Variants in PCDHA6 observed in about 807,000 individuals in gnomAD.
PCDHA6 encodes the protein protocadherin alpha 6, also known as protocadherin alpha-6.
Under a neutral mutation model 60.3 loss-of-function variants are expected in PCDHA6, and 55 were observed. The ratio of observed to expected loss-of-function variants is 0.91; its 90% CI spans 0.73 to 1.14. The LOEUF (loss-of-function observed/expected upper bound fraction) is 1.14. Among genes scored for constraint, PCDHA6 ranks in the 50% most tolerant of loss-of-function variants. The probability of loss-of-function intolerance (pLI) is 0.00; values close to 1 mark genes in which losing one functional copy is unlikely to be tolerated. For missense variants in PCDHA6, 1,327 were observed against 1,256.5 expected (o/e 1.06, Z -0.85); for synonymous variants, 652 against 557.9 (o/e 1.17, Z -2.38).
chr5:140,966,906 C>A, intron 1 of PCDHA6: 1 of 1,600,938 alleles, frequency 6.2e-7, no homozygotes, highest in African/African-American at 1.3e-5. Flanking sequence ...CTGCGATACT[C>A]TGTGCCAGAG....
At position 140,929,086 on chromosome 5, in the gene PCDHA6, G is replaced by A. The variant is rs899611580; in HGVS notation, c.2395-49863G>A. 2.5e-6 allele frequency: 4 copies of A among 1,614,158 alleles called. No individual in the cohort carries two copies. The South Asian group carries it at 4.4e-5, about 18-fold the overall frequency. On this transcript the variant is annotated intron_variant, in intron 1 of 3. Coordinates refer to ENST00000529310, the MANE Select transcript of PCDHA6 (RefSeq NM_018909.4). ...GGATCTGAGGTATGGAAGTAAGATG[G>A]TTTCAAATCCTTGCATGACATCAGC... is the stretch of plus-strand genomic sequence containing the variant.
At chr5:140,869,746 A>G in intron 1 of PCDHA6, 1 of 1,613,340 alleles carries the variant, frequency 6.2e-7, no homozygotes, top group Non-Finnish European at 8.5e-7. Flanking sequence ...GCTAACAGCT[A>G]CAGACGGGGG....
intron 1 of PCDHA6, chr5:140,835,638 T>A: frequency 6.2e-7 from 1 of 1,613,926 alleles, no homozygotes. Flanking sequence ...CGAGAGTGTG[T>A]CCGCCTATGA....
intron 1 of PCDHA6, among the ~76,000 whole-genome samples, chr5:140,925,071 C>T (rs1554202476): frequency 6.8e-6 from 1 of 148,058 alleles, no homozygotes; most frequent in Non-Finnish European, 1.5e-5. Context: ...CAAAGCAACA[C>T]GCTCATCTGG....
intron 1 of PCDHA6, chr5:140,877,158 G>A (rs781901798): frequency 1.2e-6 from 2 of 1,613,808 alleles, no homozygotes; most frequent in Admixed American, 3.3e-5. Context: ...ACGACAACGC[G>A]CCGGCACTGC....
rs1031755500 is a variant in PCDHA6 at position 140,856,096 on chromosome 5, G to A, written c.2394+25611G>A. 31 of 1,597,342 alleles carry A rather than the reference G, an allele frequency of 1.9e-5. 3 individuals are homozygous for A. The Admixed American group carries it at 5.2e-4, about 27-fold the overall frequency. On this transcript the variant is annotated intron_variant, in intron 1 of 3. Transcript: ENST00000529310. ...TGGGGGTCCAGTGTCTGCTGCTCTCGCTTCTTCTCCTCGCAGCCTGGGAGG... is the reference window on the plus strand; with the variant it reads ...TGGGGGTCCAGTGTCTGCTGCTCTCACTTCTTCTCCTCGCAGCCTGGGAGG...
chr5:141,003,560 G>T (rs1011065385), intron 3 of PCDHA6, among the ~76,000 whole-genome samples: 1 of 152,062 alleles, frequency 6.6e-6, no homozygotes, highest in Non-Finnish European at 1.5e-5. Context: ...TGATCCACCT[G>T]CCTCAGACTC....
intron 1 of PCDHA6, among the ~76,000 whole-genome samples, chr5:140,977,127 C>T (rs1197401904): frequency 6.6e-6 from 1 of 152,168 alleles, no homozygotes; most frequent in East Asian, 1.9e-4. Flanking sequence ...AACTGAGTTT[C>T]CTGGTCAGTC....
At position 140,915,626 on chromosome 5, in the gene PCDHA6, G is replaced by GTCTCTCTCTCTC. The variant is rs57920489; in HGVS notation, c.2395-63304_2395-63293dup. 2.6e-4 allele frequency among the ~76,000 whole-genome samples: 38 copies of GTCTCTCTCTCTC among 146,532 alleles called. No individual in the cohort carries two copies. In the Middle Eastern group the frequency reaches 0.011, roughly 41 times the overall value. Reference sequence around the variant, plus strand: ...ACTTTCTGTCAAACAGTCTCTTTCTGTCTCTCTCTCTCTCTCTCTCTCTCT... The same window carrying GTCTCTCTCTCTC: ...ACTTTCTGTCAAACAGTCTCTTTCTGTCTCTCTCTCTCTCTCTCTCTCTCTCTCTCTCTCTCT... On this transcript the variant is annotated intron_variant, in intron 1 of 3. Coordinates refer to ENST00000529310, the MANE Select transcript of PCDHA6 (RefSeq NM_018909.4).
rs2150475793 is a variant in PCDHA6, at chr5:140,850,253, C to T, written c.2394+19768C>T. The T allele has an allele frequency of 4.7e-5, 75 of 1,593,644 alleles. 4 individuals carry two copies. The highest frequency in any genetic ancestry group is 6.3e-5 in the Non-Finnish European group (73 of 1,167,036). On this transcript the variant is annotated intron_variant, in intron 1 of 3. Coordinates refer to ENST00000529310, the MANE Select transcript of PCDHA6 (RefSeq NM_018909.4). ...GCGAGATGGTGCTGCGGTCGGTGGG[C>T]GCCGGCGTAGTGGTGGGGAAGGTGC...
chr5:140,946,377 T>C (rs1554217528), intron 1 of PCDHA6, among the ~76,000 whole-genome samples: 1 of 151,764 alleles, frequency 6.6e-6, no homozygotes, highest in African/African-American at 2.4e-5. Flanking sequence ...TTGCACACGG[T>C]TGGTAGGAAT....
intron 1 of PCDHA6, chr5:140,841,844 CATG>C (rs2150323969): frequency 6.2e-7 from 1 of 1,613,842 alleles, no homozygotes; most frequent in Non-Finnish European, 8.5e-7. Flanking sequence ...GCTTAGCTCT[CATG>C]ATTACTTCAT....
chr5:140,990,195 A>C (rs1030331876), intron 3 of PCDHA6, among the ~76,000 whole-genome samples: 1 of 152,012 alleles, frequency 6.6e-6, no homozygotes, highest in Non-Finnish European at 1.5e-5. Flanking sequence ...CCAAATGTGG[A>C]CCCGAAAGAG....
intron 1 of PCDHA6, among the ~76,000 whole-genome samples, chr5:140,932,121 T>C (rs1343821167): frequency 6.6e-6 from 1 of 151,956 alleles, no homozygotes; most frequent in Non-Finnish European, 1.5e-5. Context: ...ATTGATAATA[T>C]TTAAGATATA....
chr5:141,003,588 T>C (rs558863784), intron 3 of PCDHA6, among the ~76,000 whole-genome samples: 65 of 152,252 alleles, frequency 4.3e-4, no homozygotes, highest in African/African-American at 1.3e-3. Context: ...GCTGGGATTT[T>C]AGATGTGAGC....
At chr5:140,856,264 C>G in intron 1 of PCDHA6, 2 of 1,598,114 alleles carry the variant, frequency 1.3e-6, no homozygotes, top group Non-Finnish European at 1.7e-6. Flanking sequence ...GACACGGGGA[C>G]CTTCTGGAGG....
At chr5:140,941,255 C>CTTTCTTTCTTTCTTTCTCTT (rs782490896) in intron 1 of PCDHA6, among the ~76,000 whole-genome samples, 1 of 44,508 alleles carries the variant, frequency 2.2e-5, no homozygotes, top group Non-Finnish European at 5.1e-5. Context: ...TTCTTTCTTT[C>CTTTCTTTCTTTCTTTCTCTT]TCTTTCTTTC....
intron 3 of PCDHA6, among the ~76,000 whole-genome samples, chr5:140,983,853 A>T (rs1447321377): frequency 6.6e-6 from 1 of 152,230 alleles, no homozygotes; most frequent in African/African-American, 2.4e-5. Context: ...ATTAAGTAAC[A>T]TGCAGCTAAG....
Position 140,830,475 on chromosome 5 carries a change from A to G in PCDHA6, c.2384A>G (p.His795Arg), listed in dbSNP as rs2150187028. Reference sequence around the variant, plus strand: ...GAGAATCAGGATTTAAATGAAGATCATGATGCCAAAGTAAGTGAATTTTCA... The same window carrying G: ...GAGAATCAGGATTTAAATGAAGATCGTGATGCCAAAGTAAGTGAATTTTCA... ...KAENQDLNED[H>R]DAKPRQPNPD... is the part of the protein sequence containing the mutation. Residue 795 changes from histidine to arginine, a missense_variant, in exon 1 of 4, where the codon CAT (histidine) becomes CGT (arginine). Coordinates refer to ENST00000529310, the MANE Select transcript of PCDHA6 (RefSeq NM_018909.4). 8.3e-5 allele frequency: 129 copies of G among 1,550,270 alleles called. No individual in the cohort carries two copies. The highest frequency in any genetic ancestry group is 9.5e-5 in the Non-Finnish European group (109 of 1,144,322).
Sources: allele counts gnomAD v4.1 joint callset (sites outside exome capture counted in the v4.1 genomes callset), GRCh38; gene constraint gnomAD v4.1.1; transcripts MANE v1.5; gene names NCBI Gene and HGNC (gene_info 2026-07-23, HGNC 2026-07-21).